Variants in UBE3A observed in about 807,000 individuals in gnomAD.
UBE3A encodes the protein ubiquitin protein ligase E3A.
Under a neutral mutation model 83.4 loss-of-function variants are expected in UBE3A, and 6 were observed. The observed-to-expected ratio is 0.07, with a 90% CI of 0.04 to 0.14. The LOEUF (loss-of-function observed/expected upper bound fraction) is 0.14, where lower values mean the gene tolerates loss of function less well. Ranked by LOEUF, UBE3A falls within the 10% of genes least tolerant of loss-of-function variation. The probability of loss-of-function intolerance (pLI) is 1.00; values close to 1 mark genes in which losing one functional copy is unlikely to be tolerated. For synonymous variants in UBE3A, 337 were observed against 355.4 expected, an observed-to-expected ratio of 0.95 and a Z score of 0.58; for missense variants, 456 against 1,036.1, an observed-to-expected ratio of 0.44 and a Z score of 7.69.
At chr15:25,362,037 G>C (rs2078200591) in intron 6 of UBE3A, among the ~76,000 whole-genome samples, 1 of 152,160 alleles carries the variant, frequency 6.6e-6, no homozygotes, top group African/African-American at 2.4e-5. Flanking sequence ...AATCCATTTA[G>C]TGGTTTGCAA....
Position 25,334,141 on chromosome 15 carries a change from G to C in UBE3A, c.*4996C>G, listed in dbSNP as rs1243986820. ...AATAATAGGAATCTAGACTGGAAAG[G>C]AAGAAGTAAAAGTATTTCTGTTCAC... On this transcript the variant is annotated 3_prime_UTR_variant, in exon 13 of 13. Coordinates refer to ENST00000648336, the MANE Select transcript of UBE3A (RefSeq NM_130839.5). 1 of 151,762 alleles carries C rather than the reference G, an allele frequency of 6.6e-6. No homozygotes were observed. Among genetic ancestry groups the C allele is most frequent in the East Asian group, 1.9e-4 (1 of 5,192 alleles). The allele number at this position is 151,762 out of a possible 1,614,324, so 9.4% of individuals were successfully genotyped here. A position where few individuals can be genotyped will look rare whatever the true frequency, so the allele number is the denominator to read the frequency against.
At chr15:25,365,083 T>A (rs921807836) in intron 6 of UBE3A, among the ~76,000 whole-genome samples, 1 of 152,134 alleles carries the variant, frequency 6.6e-6, no homozygotes, top group Non-Finnish European at 1.5e-5. Context: ...CTGCGTAACT[T>A]CCTCTTCTTT....
chr15:25,361,865 C>G (rs1361960517), intron 6 of UBE3A, among the ~76,000 whole-genome samples: 1 of 151,222 alleles, frequency 6.6e-6, no homozygotes, highest in Non-Finnish European at 1.5e-5. Flanking sequence ...ATCACTGAAA[C>G]AACTGTAACA....
chr15:25,377,464 T>C (rs1349674888), intron 4 of UBE3A, among the ~76,000 whole-genome samples: 1 of 152,140 alleles, frequency 6.6e-6, no homozygotes, highest in African/African-American at 2.4e-5. Flanking sequence ...AAAACTGTTA[T>C]CACAGATTTA....
intron 11 of UBE3A, among the ~76,000 whole-genome samples, chr15:25,350,424 C>A (rs904638415): frequency 2.6e-5 from 4 of 151,966 alleles, no homozygotes; most frequent in Admixed American, 6.6e-5. Flanking sequence ...TTTTGGACCA[C>A]TGCTGACCAA....
rs1297798521 is a variant in UBE3A at position 25,338,136 on chromosome 15, A to G, written c.*1001T>C. 2 of 152,142 alleles carry G rather than the reference A, an allele frequency of 1.3e-5. No individual in the cohort carries two copies. Among genetic ancestry groups the G allele is most frequent in the African/African-American group, 4.8e-5 (2 of 41,440 alleles). 9.4% of individuals were successfully genotyped at this position (152,142 alleles called of 1,614,324 possible). A position where few individuals can be genotyped will look rare whatever the true frequency, so the allele number is the denominator to read the frequency against. On this transcript the variant is annotated 3_prime_UTR_variant, in exon 13 of 13. Coordinates refer to ENST00000648336, the MANE Select transcript of UBE3A (RefSeq NM_130839.5). The stretch of plus-strand genomic sequence containing the variant: ...AAGATGATGGCAACACGAAGGGGAG[A>G]CTTTGGATTGTCTATTTAAAATCTA...
At chr15:25,406,856 GAAAAA>G (rs11413336) in intron 3 of UBE3A, among the ~76,000 whole-genome samples, 1 of 114,684 alleles carries the variant, frequency 8.7e-6, no homozygotes, top group African/African-American at 3.7e-5. Context: ...AATGGAAAAG[GAAAAA>G]AAAAAAAAAA....
At chr15:25,391,536 T>C (rs905814235) in intron 4 of UBE3A, 2 of 152,318 alleles carry the variant, frequency 1.3e-5, no homozygotes, top group African/African-American at 4.8e-5. Context: ...TTACCTCTTA[T>C]ATAAACTGAT....
At chr15:25,367,739 CTT>C (rs2079561019) in intron 6 of UBE3A, among the ~76,000 whole-genome samples, 1 of 152,046 alleles carries the variant, frequency 6.6e-6, no homozygotes, top group Admixed American at 6.6e-5. Flanking sequence ...GAATTCTTCT[CTT>C]GTCATCAAAG....
intron 4 of UBE3A, among the ~76,000 whole-genome samples, chr15:25,390,681 T>C (rs879660152): frequency 2.0e-5 from 3 of 152,144 alleles, no homozygotes; most frequent in Non-Finnish European, 4.4e-5. Flanking sequence ...AGTGAAAACA[T>C]TCTGTATGAT....
chr15:25,403,240 C>T (rs1309898569), intron 4 of UBE3A, among the ~76,000 whole-genome samples: 2 of 152,196 alleles, frequency 1.3e-5, no homozygotes, highest in East Asian at 3.8e-4. Flanking sequence ...GCCAGCCAGT[C>T]AAGACTCTCA....
rs141613220 is a variant in UBE3A, at chr15:25,431,760, G to A, written c.-165+6729C>T. Among the ~76,000 whole-genome samples the A allele has an allele frequency of 2.6e-5, 4 of 152,178 alleles. No individual in the cohort carries two copies. In the East Asian group the frequency reaches 7.7e-4, roughly 29 times the overall value. On this transcript the variant is annotated intron_variant, in intron 1 of 12. Transcript: ENST00000648336. ...AAACAGGATTTATCCATTAGTATAC[G>A]TATCACATACCATAGATGCACAAAA...
chr15:25,437,709 C>G (rs781428309), intron 1 of UBE3A, among the ~76,000 whole-genome samples: 7 of 152,104 alleles, frequency 4.6e-5, no homozygotes, highest in Non-Finnish European at 7.4e-5. Context: ...TCAAGGTTGC[C>G]AAGCTTCACC....
At chr15:25,363,538 A>G (rs1253800547) in intron 6 of UBE3A, among the ~76,000 whole-genome samples, 1 of 152,176 alleles carries the variant, frequency 6.6e-6, no homozygotes, top group Non-Finnish European at 1.5e-5. Context: ...TAAGGACCCC[A>G]AGATACTGAA....
intron 1 of UBE3A, among the ~76,000 whole-genome samples, chr15:25,414,724 A>G (rs925360434): frequency 1.3e-5 from 2 of 152,156 alleles, no homozygotes; most frequent in African/African-American, 4.8e-5. Context: ...CTACCAATTC[A>G]TCCTTAGAAA....
chr15:25,344,703 CT>C (rs1280406337), intron 11 of UBE3A, among the ~76,000 whole-genome samples: 1 of 152,108 alleles, frequency 6.6e-6, no homozygotes. Context: ...CTCTAAAAAC[CT>C]TAAATCTATT....
intron 11 of UBE3A, among the ~76,000 whole-genome samples, chr15:25,344,635 A>G (rs2152552307): frequency 6.6e-6 from 1 of 152,312 alleles, no homozygotes; most frequent in East Asian, 1.9e-4. Flanking sequence ...AGGCAGCAAA[A>G]ACCAACCAAA....
Position 25,339,356 on chromosome 15 carries a change from C to G in UBE3A, c.2499-99G>C. 3 of 1,462,788 alleles carry G rather than the reference C, an allele frequency of 2.1e-6. No homozygotes were observed. In the South Asian group the frequency reaches 3.7e-5, roughly 18 times the overall value. 90.6% of individuals were successfully genotyped at this position (1,462,788 alleles called of 1,614,324 possible). A position where few individuals can be genotyped will look rare whatever the true frequency, so the allele number is the denominator to read the frequency against. ...ATTTTTAGATTGTATATAGTTGAGA[C>G]GGTCTGCAATGCAAACTATACATTA... On this transcript the variant is annotated intron_variant, in intron 12 of 12. Transcript: ENST00000648336.
chr15:25,352,619 A>G (rs1026947780), intron 11 of UBE3A, among the ~76,000 whole-genome samples: 1 of 152,230 alleles, frequency 6.6e-6, no homozygotes, highest in Non-Finnish European at 1.5e-5. Flanking sequence ...GCCACCAAAA[A>G]AACTCAGTAT....
Sources: allele counts gnomAD v4.1 joint callset (sites outside exome capture counted in the v4.1 genomes callset), GRCh38; gene constraint gnomAD v4.1.1; transcripts MANE v1.5; gene names NCBI Gene and HGNC (gene_info 2026-07-23, HGNC 2026-07-21).